FOXN2: variants seen among roughly 807,000 people sequenced by gnomAD.
The protein encoded by FOXN2 is forkhead box N2.
Under a neutral mutation model 41.2 loss-of-function variants are expected in FOXN2, and 19 were observed. That is an observed-to-expected ratio of 0.46 (90% confidence interval 0.32 to 0.68). The LOEUF is 0.68. Ranked by LOEUF, FOXN2 falls within the 30% of genes least tolerant of loss-of-function variation. The pLI is 0.03. For missense variants in FOXN2, 587 were observed against 509.4 expected (o/e 1.15, Z -1.47); for synonymous variants, 195 against 176.8 (o/e 1.10, Z -0.82).
chr2:48,349,566 G>T (rs1341318888), intron 3 of FOXN2, among the ~76,000 whole-genome samples: 1 of 152,128 alleles, frequency 6.6e-6, no homozygotes, highest in Non-Finnish European at 1.5e-5. Flanking sequence ...CTGAGGTTGG[G>T]AGTTCAAGAC....
chr2:48,314,033 C>T (rs1035184539), upstream of FOXN2, among the ~76,000 whole-genome samples: 2 of 152,210 alleles, frequency 1.3e-5, no homozygotes, highest in African/African-American at 4.8e-5. Context: ...TTTTTCCCTA[C>T]TGCAAACACA....
intron 5 of FOXN2, among the ~76,000 whole-genome samples, chr2:48,365,139 T>C (rs1672451434): frequency 6.6e-6 from 1 of 152,194 alleles, no homozygotes; most frequent in Non-Finnish European, 1.5e-5. Flanking sequence ...AACCTTTCTG[T>C]GTATCAGAAA....
At chr2:48,364,912 T>C in intron 5 of FOXN2, among the ~76,000 whole-genome samples, 1 of 152,224 alleles carries the variant, frequency 6.6e-6, no homozygotes, top group East Asian at 1.9e-4. Context: ...TCCCTCAAAT[T>C]AGAATATGCT....
intron 1 of FOXN2, among the ~76,000 whole-genome samples, chr2:48,315,103 G>A (rs1005489346): frequency 6.6e-6 from 1 of 152,120 alleles, no homozygotes; most frequent in Non-Finnish European, 1.5e-5. Flanking sequence ...ATGACCGCCC[G>A]GGAGGGGCTG....
chr2:48,337,317 C>T (rs528148889), intron 2 of FOXN2, among the ~76,000 whole-genome samples: 20 of 146,500 alleles, frequency 1.4e-4, no homozygotes, highest in Admixed American at 2.1e-4. Context: ...TAAAGTGAGA[C>T]GGAGTTGTCT....
chr2:48,314,046 G>T (rs919160586), upstream of FOXN2, among the ~76,000 whole-genome samples: 21 of 152,184 alleles, frequency 1.4e-4, no homozygotes, highest in Non-Finnish European at 8.8e-5. Flanking sequence ...CAAACACAGT[G>T]ACTTGTTTCC....
chr2:48,377,162 T>C lies in FOXN2; in HGVS notation c.*1719T>C, dbSNP rs1005482330. On this transcript the variant is annotated 3_prime_UTR_variant, in exon 7 of 7. Transcript: ENST00000340553. ...ATGAATTGGTGCTGTCAAAATATAG[T>C]AATTTTTAAATTTGTTAATAATGAA... 3.9e-5 allele frequency: 6 copies of C among 151,986 alleles called. No individual in the cohort carries two copies. Among genetic ancestry groups the C allele is most frequent in the African/African-American group, 1.4e-4 (6 of 41,426 alleles). 9.4% of individuals were successfully genotyped at this position (151,986 alleles called of 1,614,324 possible). A position where few individuals can be genotyped will look rare whatever the true frequency, so the allele number is the denominator to read the frequency against.
At chr2:48,328,889 T>C (rs1669854756) in intron 2 of FOXN2, among the ~76,000 whole-genome samples, 187 bp downstream of exon 2, 1 of 152,196 alleles carries the variant, frequency 6.6e-6, no homozygotes, top group South Asian at 2.1e-4. Flanking sequence ...TTGTATTTAG[T>C]AACATGTAGG....
chr2:48,344,322 A>G (rs1670960048), intron 2 of FOXN2, among the ~76,000 whole-genome samples: 1 of 152,200 alleles, frequency 6.6e-6, no homozygotes, highest in Admixed American at 6.5e-5. Context: ...ATGGGTGCAC[A>G]GGAGAGAGAT....
chr2:48,353,952 A>G (rs887128427), intron 3 of FOXN2, among the ~76,000 whole-genome samples: 15 of 152,144 alleles, frequency 9.9e-5, no homozygotes, highest in Non-Finnish European at 1.5e-4. Context: ...TTATGCATTT[A>G]GAATTTCCTT....
At chr2:48,350,613 C>T (rs756553497) in intron 3 of FOXN2, among the ~76,000 whole-genome samples, 1 of 152,124 alleles carries the variant, frequency 6.6e-6, no homozygotes, top group South Asian at 2.1e-4. Context: ...TTTGCTTGTT[C>T]AGGGTCTAGA....
At chr2:48,358,477 C>T (rs1005055419) in intron 3 of FOXN2, among the ~76,000 whole-genome samples, 4 of 152,126 alleles carry the variant, frequency 2.6e-5, no homozygotes, top group Non-Finnish European at 5.9e-5. Context: ...TGATCGGGAC[C>T]TTGGTTTTTG....
intron 5 of FOXN2, among the ~76,000 whole-genome samples, chr2:48,370,698 A>G (rs185974590): frequency 3.3e-5 from 5 of 152,200 alleles, no homozygotes; most frequent in Middle Eastern, 3.4e-3. Context: ...TTTATATTGT[A>G]GATGTTAATC....
intron 5 of FOXN2, among the ~76,000 whole-genome samples, chr2:48,368,834 T>G (rs1156470227): frequency 6.6e-6 from 1 of 152,276 alleles, no homozygotes; most frequent in Non-Finnish European, 1.5e-5. Flanking sequence ...GTGTTCTCTA[T>G]TATGATGGTG....
intron 1 of FOXN2, among the ~76,000 whole-genome samples, chr2:48,315,180 C>A (rs1035285402): frequency 6.6e-6 from 1 of 152,072 alleles, no homozygotes; most frequent in Non-Finnish European, 1.5e-5. Context: ...GCCCCAAGGA[C>A]CCTCAGGGCT....
intron 5 of FOXN2, among the ~76,000 whole-genome samples, chr2:48,366,939 A>G (rs1471659845): frequency 6.6e-6 from 1 of 152,164 alleles, no homozygotes; most frequent in African/African-American, 2.4e-5. Context: ...GGCCTCCAAT[A>G]TTAAAACTTA....
intron 3 of FOXN2, among the ~76,000 whole-genome samples, chr2:48,352,700 G>C (rs1238387309): frequency 6.6e-6 from 1 of 152,136 alleles, no homozygotes; most frequent in African/African-American, 2.4e-5. Flanking sequence ...CTAGAAATCT[G>C]AGTCATCTTG....
intron 1 of FOXN2, among the ~76,000 whole-genome samples, chr2:48,324,016 G>A (rs1357715401): frequency 6.6e-6 from 1 of 151,906 alleles, no homozygotes; most frequent in Non-Finnish European, 1.5e-5. Context: ...TTGAAATACT[G>A]TTCAGATGGA....
At chr2:48,331,325 G>C (rs1670007893) in intron 2 of FOXN2, among the ~76,000 whole-genome samples, 1 of 151,722 alleles carries the variant, frequency 6.6e-6, no homozygotes, top group Non-Finnish European at 1.5e-5. Context: ...AAACAACATA[G>C]ATTTAGGACT....
Sources: allele counts gnomAD v4.1 joint callset (sites outside exome capture counted in the v4.1 genomes callset), GRCh38; gene constraint gnomAD v4.1.1; transcripts MANE v1.5; gene names NCBI Gene and HGNC (gene_info 2026-07-23, HGNC 2026-07-21).